Variants in HIVEP2 observed in about 807,000 individuals in gnomAD.
HIVEP2 encodes HIVEP zinc finger 2, also known as transcription factor HIVEP2.
A neutral mutation model predicts 180.7 loss-of-function variants in HIVEP2; 14 were observed. That is an observed-to-expected ratio of 0.08 (90% CI 0.05 to 0.12). The LOEUF (loss-of-function observed/expected upper bound fraction) is 0.12, where lower values mean the gene tolerates loss of function less well. HIVEP2 is among the 10% of genes least tolerant of loss of function. The pLI is 1.00. For synonymous variants in HIVEP2, 1,184 were observed against 1,136.4 expected, an observed-to-expected ratio of 1.04 and a Z score of -0.84; for missense variants, 2,579 against 3,008.5, an observed-to-expected ratio of 0.86 and a Z score of 3.34.
intron 1 of HIVEP2, among the ~76,000 whole-genome samples, chr6:142,839,548 T>C (rs751412744): frequency 3.9e-5 from 6 of 152,156 alleles, no homozygotes; most frequent in Non-Finnish European, 8.8e-5. Context: ...TTTGTTTCAG[T>C]TATTCGCATG....
At chr6:142,775,179 CAA>C (rs35710932) in intron 4 of HIVEP2, 54 bp from the exon 5 acceptor site, 54,116 of 320,122 alleles carry the variant, frequency 0.17, 2,308 homozygotes, top group Non-Finnish European at 0.18. Flanking sequence ...AATAAGAAAC[CAA>C]AAAAAAAAAA....
chr6:142,806,189 G>A (rs1776544571), intron 2 of HIVEP2, among the ~76,000 whole-genome samples: 1 of 152,128 alleles, frequency 6.6e-6, no homozygotes, highest in Admixed American at 6.6e-5. Context: ...TGGAGAAATA[G>A]GATACAAAAT....
intron 3 of HIVEP2, among the ~76,000 whole-genome samples, chr6:142,781,834 T>A (rs1156428994): frequency 2.6e-5 from 4 of 152,198 alleles, no homozygotes; most frequent in African/African-American, 9.7e-5. Flanking sequence ...CTCAGAGGTC[T>A]CTTCAGGATA....
At chr6:142,912,420 C>T (rs1777434732) in intron 1 of HIVEP2, among the ~76,000 whole-genome samples, 1 of 152,174 alleles carries the variant, frequency 6.6e-6, no homozygotes, top group Non-Finnish European at 1.5e-5. Flanking sequence ...CTCAGAAATC[C>T]CTTCCCCCTT....
chr6:142,894,954 G>A lies in HIVEP2; in HGVS notation c.-641+50145C>T, dbSNP rs977990508. 1.4e-4 allele frequency among the ~76,000 whole-genome samples: 21 copies of A among 152,216 alleles called. No homozygotes were observed. The South Asian group carries it at 1.7e-3, about 12-fold the overall frequency. Reference sequence around the variant, plus strand: ...AAAATCATCTTGGAAATTGAAAGTCGCCTTGATAATTCACTGGCACGAATT... The same window carrying A: ...AAAATCATCTTGGAAATTGAAAGTCACCTTGATAATTCACTGGCACGAATT... On this transcript the variant is annotated intron_variant, in intron 1 of 9. Transcript: ENST00000367603.
In HIVEP2 at chr6:142,773,376, T is replaced by C. The variant is rs752043325; in HGVS notation, c.1363A>G (p.Ile455Val). 1.2e-6 allele frequency: 2 copies of C among 1,614,238 alleles called. No individual in the cohort carries two copies. The highest frequency in any genetic ancestry group is 1.7e-6 in the Non-Finnish European group (2 of 1,180,040). Residue 455 changes from isoleucine (I) to valine (V), a missense_variant, in exon 5 of 10, where the codon ATA becomes GTA. By Grantham distance (29) the Ile-to-Val change is conservative (BLOSUM62 3). Transcript: ENST00000367603. The stretch of plus-strand genomic sequence containing the variant: ...TTAACGTGAGGTAATGGTTCCATTA[T>C]GCCCTTCCTACCCATTGCGGCACGC... ...QERAAMGRKG[I>V]MEPLPHVNTR... is the part of the protein sequence containing the mutation.
At chr6:142,843,780 T>C (rs1775432864) in intron 1 of HIVEP2, among the ~76,000 whole-genome samples, 1 of 152,214 alleles carries the variant, frequency 6.6e-6, no homozygotes, top group Non-Finnish European at 1.5e-5. Flanking sequence ...ATTTTCTCCA[T>C]TGGCAGCAGC....
intron 2 of HIVEP2, among the ~76,000 whole-genome samples, chr6:142,830,568 G>GA (rs923284028): frequency 4.0e-4 from 61 of 151,492 alleles, no homozygotes; most frequent in Admixed American, 3.0e-3. Context: ...TTAAGGAGCT[G>GA]AAAAAAAACA....
rs1370305884 is a variant in HIVEP2 at position 142,775,117 on chromosome 6, T to C, written c.-379A>G. The stretch of plus-strand genomic sequence containing the variant: ...AGTTCAATTGCCAGTTTCACTAAGA[T>C]AAAATGATCTGAAGAAAAAGAAAAT... On this transcript the variant is annotated 5_prime_UTR_variant, in exon 5 of 10. Transcript: ENST00000367603. The C allele has an allele frequency of 3.0e-6, 3 of 985,818 alleles. No individual in the cohort carries two copies. Among genetic ancestry groups the C allele is most frequent in the African/African-American group, 1.8e-5 (1 of 55,446 alleles). 61.1% of individuals were successfully genotyped at this position (985,818 alleles called of 1,614,324 possible).
chr6:142,885,491 T>C (rs1049269066), intron 1 of HIVEP2, among the ~76,000 whole-genome samples: 32 of 152,122 alleles, frequency 2.1e-4, no homozygotes, highest in African/African-American at 7.2e-4. Flanking sequence ...CAGATAAAGC[T>C]AAACAACAAG....
At chr6:142,798,572 T>C (rs1485030640) in intron 2 of HIVEP2, among the ~76,000 whole-genome samples, 1 of 152,094 alleles carries the variant, frequency 6.6e-6, no homozygotes, top group Non-Finnish European at 1.5e-5. Flanking sequence ...AATAGCAAGG[T>C]TGTACAGTGT....
intron 9 of HIVEP2, among the ~76,000 whole-genome samples, chr6:142,759,225 C>T (rs1775156680): frequency 6.6e-6 from 1 of 152,100 alleles, no homozygotes; most frequent in Non-Finnish European, 1.5e-5. Flanking sequence ...ATCGCTTCAA[C>T]CTGGGAGGCG....
chr6:142,771,019 C>A lies in HIVEP2; in HGVS notation c.3720G>T (p.Lys1240Asn). Residue 1240 changes from lysine (K) to asparagine (N), a missense_variant, in exon 5 of 10, where the codon AAG (lysine) becomes AAT (asparagine). Lys to Asn is a moderately conservative substitution (Grantham distance 94). Coordinates refer to ENST00000367603, the MANE Select transcript of HIVEP2 (RefSeq NM_006734.4). This position sits in a 1 kb window ranked among gnomAD's most constrained non-coding sequence, Gnocchi z 5.4. The stretch of plus-strand genomic sequence containing the variant: ...TCTGAAAAGAGGGCTTGCCATAGCT[C>A]TTCTGAGGGTGCTGAGCAAAGGGAT... ...FPHPFAQHPQ[K>N]SYGKPSFQTE... The A allele has an allele frequency of 1.2e-6, 2 of 1,614,178 alleles. No homozygotes were observed. The highest frequency in any genetic ancestry group is 1.7e-6 in the Non-Finnish European group (2 of 1,180,038).
At chr6:142,899,671 C>T (rs942211215) in intron 1 of HIVEP2, among the ~76,000 whole-genome samples, 41 of 152,300 alleles carry the variant, frequency 2.7e-4, no homozygotes, top group Admixed American at 1.1e-3. Flanking sequence ...GTAAACTCTA[C>T]GAGAGTGCAG....
At chr6:142,856,843 C>T (rs1470210923) in intron 1 of HIVEP2, among the ~76,000 whole-genome samples, 1 of 152,156 alleles carries the variant, frequency 6.6e-6, no homozygotes, top group Non-Finnish European at 1.5e-5. Context: ...AGACACTGAG[C>T]CCACAGCAGG....
intron 2 of HIVEP2, among the ~76,000 whole-genome samples, chr6:142,811,374 G>C (rs561974158): frequency 1.4e-4 from 22 of 152,280 alleles, no homozygotes; most frequent in African/African-American, 5.3e-4. Flanking sequence ...CTTAAGATCA[G>C]TTTAAGAAAC....
chr6:142,779,839 T>A (rs1775802079), intron 3 of HIVEP2, among the ~76,000 whole-genome samples: 1 of 152,158 alleles, frequency 6.6e-6, no homozygotes, highest in Non-Finnish European at 1.5e-5. Flanking sequence ...TATCATATAG[T>A]AAATGCATCA....
intron 9 of HIVEP2, among the ~76,000 whole-genome samples, chr6:142,755,677 C>T (rs1056034209): frequency 1.3e-5 from 2 of 152,166 alleles, no homozygotes; most frequent in African/African-American, 4.8e-5. Context: ...TCCAGGCTGA[C>T]AAATGGAGTC....
intron 1 of HIVEP2, among the ~76,000 whole-genome samples, chr6:142,842,742 G>GA (rs1025725886): frequency 2.1e-4 from 30 of 143,388 alleles, no homozygotes; most frequent in East Asian, 8.0e-4. Context: ...CACTTTAAGT[G>GA]AAAAAAAAAA....
Sources: gnomAD v4.1 joint callset for allele counts (sites outside exome capture counted in the v4.1 genomes callset) on GRCh38, gnomAD v4.1.1 for gene constraint, Gnocchi (gnomAD v3.1) non-coding constraint, MANE v1.5 for transcripts, NCBI Gene and HGNC (gene_info 2026-07-23, HGNC 2026-07-21) for gene names.